The following FBXW11 variants were observed in gnomAD, a reference collection of about 807,000 sequenced individuals.
FBXW11 encodes F-box/WD repeat-containing protein 11.
Under a neutral mutation model 77.6 loss-of-function variants are expected in FBXW11, and 19 were observed. The observed-to-expected ratio is 0.24, with a 90% CI of 0.17 to 0.36. The LOEUF (loss-of-function observed/expected upper bound fraction) is 0.36, where lower values mean the gene tolerates loss of function less well. FBXW11 is among the 10% of genes least tolerant of loss of function. The probability of loss-of-function intolerance (pLI) is 1.00; values close to 1 mark genes in which losing one functional copy is unlikely to be tolerated. For synonymous variants in FBXW11, 235 were observed against 249.4 expected (o/e 0.94, Z 0.54); for missense variants, 334 against 704.2 (o/e 0.47, Z 5.95).
chr5:171,932,063 T>C (rs1762237037), intron 2 of FBXW11, among the ~76,000 whole-genome samples: 1 of 151,914 alleles, frequency 6.6e-6, no homozygotes, highest in Non-Finnish European at 1.5e-5. Flanking sequence ...TTTGTGGAGA[T>C]GAGGTCTTGC....
At chr5:171,929,992 T>C (rs1220732130) in intron 2 of FBXW11, among the ~76,000 whole-genome samples, 1 of 152,004 alleles carries the variant, frequency 6.6e-6, no homozygotes. Context: ...AGAACATAAG[T>C]AGAAATTTAA....
intron 1 of FBXW11, 97 bp from the exon 2 acceptor site, chr5:171,957,795 G>A (rs1763692902): frequency 2.9e-6 from 3 of 1,032,274 alleles, no homozygotes; most frequent in African/African-American, 3.1e-5. Flanking sequence ...TTGGGGCAGG[G>A]GGTGCACCCT....
intron 6 of FBXW11, among the ~76,000 whole-genome samples, chr5:171,896,260 C>T (rs1180100474): frequency 6.6e-6 from 1 of 152,120 alleles, no homozygotes; most frequent in East Asian, 1.9e-4. Context: ...TGTGAACTGG[C>T]AACCTTGCAA....
At chr5:171,873,827 A>T (rs1230820696) in intron 9 of FBXW11, among the ~76,000 whole-genome samples, 1 of 152,212 alleles carries the variant, frequency 6.6e-6, no homozygotes, top group Non-Finnish European at 1.5e-5. Context: ...AAATAAGGAG[A>T]CACACAGCAA....
intron 3 of FBXW11, among the ~76,000 whole-genome samples, chr5:171,913,006 G>A (rs1233292664): frequency 6.6e-6 from 1 of 151,846 alleles, no homozygotes; most frequent in East Asian, 1.9e-4. Flanking sequence ...AAAACATTAT[G>A]ATCACAGTAA....
intron 10 of FBXW11, among the ~76,000 whole-genome samples, chr5:171,871,196 G>C (rs1338116894): frequency 6.6e-6 from 1 of 152,186 alleles, no homozygotes; most frequent in African/African-American, 2.4e-5. Flanking sequence ...GCATTCTCTT[G>C]ATGTCTGAGT....
chr5:171,926,622 G>T (rs189503907), intron 2 of FBXW11, among the ~76,000 whole-genome samples: 2 of 151,968 alleles, frequency 1.3e-5, no homozygotes, highest in African/African-American at 4.8e-5. Context: ...CTTCCCCTTC[G>T]CCTTCTGCCA....
chr5:171,913,494 T>C (rs867168315), intron 3 of FBXW11, among the ~76,000 whole-genome samples: 8 of 152,192 alleles, frequency 5.3e-5, no homozygotes, highest in Admixed American at 2.0e-4. Flanking sequence ...AATAACAGCA[T>C]GTGCACTATT....
chr5:171,954,235 G>A (rs1763504764), intron 2 of FBXW11, among the ~76,000 whole-genome samples: 1 of 152,220 alleles, frequency 6.6e-6, no homozygotes. Flanking sequence ...AATGGCAGTT[G>A]TCACTACAGA....
At chr5:171,899,160 G>C in intron 5 of FBXW11, 66 bp from the exon 6 acceptor site, 1 of 1,023,776 alleles carries the variant, frequency 9.8e-7, no homozygotes, top group Non-Finnish European at 1.5e-6. Flanking sequence ...ATCTAAACAT[G>C]GTGCTGACAA....
chr5:171,897,716 A>G (rs1759839929), intron 6 of FBXW11, among the ~76,000 whole-genome samples: 1 of 152,186 alleles, frequency 6.6e-6, no homozygotes, highest in African/African-American at 2.4e-5. Context: ...AAATTATTCA[A>G]AGAAGTCTGG....
chr5:171,977,849 C>A (rs540264894), intron 1 of FBXW11: 36 of 237,542 alleles, frequency 1.5e-4, no homozygotes, highest in South Asian at 1.5e-3. Context: ...CCCACGGGGT[C>A]CCTCCCACAA....
At position 171,910,666 on chromosome 5, in the gene FBXW11, T is replaced by C. The variant is rs1760826963; in HGVS notation, c.342A>G (p.Glu114=). The C allele has an allele frequency of 6.2e-7, 1 of 1,613,896 alleles. No homozygotes were observed. Among genetic ancestry groups the C allele is most frequent in the African/African-American group, 1.3e-5 (1 of 74,922 alleles). The change falls in exon 4 of 14, where the codon GAA becomes GAG. Residue 114 remains glutamate (E), a synonymous_variant. Transcript: ENST00000517395. ...AATGACACATTCGTGAAATAAGATG[T>C]TCCACAAATTCCACTTGATCTGATT... is the stretch of plus-strand genomic sequence containing the variant. The part of the protein sequence containing the change: ...WSESDQVEFV[E]HLISRMCHYQ...
At chr5:171,870,410 C>T (rs1020478874) in intron 11 of FBXW11, among the ~76,000 whole-genome samples, 1 of 150,368 alleles carries the variant, frequency 6.7e-6, no homozygotes, top group Admixed American at 6.6e-5. Context: ...CACACACACA[C>T]ACAAAGAGCC....
intron 4 of FBXW11, among the ~76,000 whole-genome samples, chr5:171,900,940 C>T (rs1186076945): frequency 2.6e-5 from 4 of 152,218 alleles, no homozygotes; most frequent in African/African-American, 9.6e-5. Flanking sequence ...CACCTGTAAA[C>T]TCCCATCCTG....
At chr5:171,884,275 G>A (rs1758727465) in intron 7 of FBXW11, among the ~76,000 whole-genome samples, 1 of 152,160 alleles carries the variant, frequency 6.6e-6, no homozygotes, top group South Asian at 2.1e-4. Context: ...AATTATCCCA[G>A]TACTAGTTGT....
chr5:171,891,701 G>A (rs531447287), intron 6 of FBXW11, 97 bp from the exon 7 acceptor site: 7 of 1,224,024 alleles, frequency 5.7e-6, no homozygotes, highest in South Asian at 3.2e-5. Flanking sequence ...GCATACCACC[G>A]ATACCCCAAT....
At chr5:171,987,917 T>C (rs1243311743) in intron 1 of FBXW11, among the ~76,000 whole-genome samples, 1 of 152,198 alleles carries the variant, frequency 6.6e-6, no homozygotes, top group Non-Finnish European at 1.5e-5. Context: ...TTTGATTCTG[T>C]TCTGTATTCC....
intron 1 of FBXW11, among the ~76,000 whole-genome samples, chr5:171,975,395 C>G (rs1764773741): frequency 6.6e-6 from 1 of 152,110 alleles, no homozygotes; most frequent in African/African-American, 2.4e-5. Flanking sequence ...GCTGGCCAGC[C>G]ACAGCCTGGA....
Sources: gnomAD v4.1 joint callset for allele counts (sites outside exome capture counted in the v4.1 genomes callset) on GRCh38, gnomAD v4.1.1 for gene constraint, MANE v1.5 for transcripts, NCBI Gene and HGNC (gene_info 2026-07-23, HGNC 2026-07-21) for gene names.